The following KIF1A variants were observed in gnomAD, a reference collection of about 807,000 sequenced individuals.
The protein encoded by KIF1A is kinesin family member 1A.
In KIF1A, 46 loss-of-function variants were observed where a neutral mutation model predicts 227.3. The observed-to-expected ratio is 0.20, with a 90% CI of 0.16 to 0.26. The LOEUF (loss-of-function observed/expected upper bound fraction) is 0.26. KIF1A is among the 10% of genes least tolerant of loss of function. KIF1A has a pLI of 1.00. For synonymous variants in KIF1A, 1,022 were observed against 1,012.8 expected (o/e 1.01, Z -0.17); for missense variants, 1,683 against 2,485.9 (o/e 0.68, Z 6.87).
intron 14 of KIF1A, among the ~76,000 whole-genome samples, chr2:240,771,772 T>C (rs2052028727): frequency 6.6e-6 from 1 of 152,114 alleles, no homozygotes; most frequent in South Asian, 2.1e-4. Context: ...GAGGTGAACA[T>C]GGGACCCTCA....
intron 38 of KIF1A, among the ~76,000 whole-genome samples, chr2:240,733,622 CCA>C (rs892965106): frequency 6.6e-6 from 1 of 152,182 alleles, no homozygotes; most frequent in Non-Finnish European, 1.5e-5. Context: ...AGTCCCTCTG[CCA>C]CAGTTGTCAA....
At chr2:240,804,509 G>A (rs2057222790) in intron 1 of KIF1A, among the ~76,000 whole-genome samples, 1 of 152,186 alleles carries the variant, frequency 6.6e-6, no homozygotes. Context: ...CCAGAAACCA[G>A]AGAATTTGGT....
chr2:240,723,710 C>G (rs2045668971), intron 41 of KIF1A, among the ~76,000 whole-genome samples, 152 bp from the exon 42 acceptor site: 3 of 152,186 alleles, frequency 2.0e-5, no homozygotes, highest in Admixed American at 2.0e-4. Context: ...CCCAAAGAGC[C>G]ATGTAGGCCT....
intron 10 of KIF1A, among the ~76,000 whole-genome samples, chr2:240,779,559 T>TC (rs2053305853): frequency 7.4e-6 from 1 of 135,238 alleles, no homozygotes; most frequent in Non-Finnish European, 1.6e-5. Context: ...TCCACTCAGT[T>TC]CCTCACTCAG....
intron 43 of KIF1A, 35 bp downstream of exon 43, chr2:240,722,421 G>A (rs1199972212): frequency 6.5e-7 from 1 of 1,538,340 alleles, no homozygotes; most frequent in African/African-American, 1.4e-5. Context: ...TGAGGGCCTG[G>A]GGCTACGGCT....
intron 27 of KIF1A, among the ~76,000 whole-genome samples, chr2:240,753,505 C>T (rs1043952627): frequency 5.9e-5 from 9 of 152,176 alleles, no homozygotes; most frequent in African/African-American, 9.7e-5. Context: ...GGGCTGGGCT[C>T]GAGGAGGAGG....
Position 240,792,555 on chromosome 2 carries a change from G to A in KIF1A, c.107-3243C>T, listed in dbSNP as rs1198362098. Among the ~76,000 whole-genome samples the A allele has an allele frequency of 4.6e-5, 7 of 152,124 alleles. No homozygotes were observed. Among genetic ancestry groups the A allele is most frequent in the Admixed American group, 1.3e-4 (2 of 15,288 alleles). On this transcript the variant is annotated intron_variant, in intron 2 of 48. Coordinates refer to ENST00000498729, the MANE Select transcript of KIF1A (RefSeq NM_001244008.2). The surrounding 1 kb of genome is among the most constrained non-coding windows in gnomAD (Gnocchi z 4.5). Reference sequence around the variant, plus strand: ...TTGGGGTGAGGAGTGGGGGGAGCTGGAAGAAGGGGGACGGGAAAGGAATGG... The same window carrying A: ...TTGGGGTGAGGAGTGGGGGGAGCTGAAAGAAGGGGGACGGGAAAGGAATGG...
At chr2:240,803,706 C>T (rs1316414791) in intron 1 of KIF1A, among the ~76,000 whole-genome samples, 1 of 151,976 alleles carries the variant, frequency 6.6e-6, no homozygotes, top group Non-Finnish European at 1.5e-5. Flanking sequence ...GCAGAACAAG[C>T]ACATTAATTA....
At chr2:240,730,870 G>T (rs970362451) in intron 38 of KIF1A, among the ~76,000 whole-genome samples, 1 of 152,210 alleles carries the variant, frequency 6.6e-6, no homozygotes, top group Non-Finnish European at 1.5e-5. Context: ...AACTGGAGGA[G>T]GCTGGGCCAG....
chr2:240,731,107 T>C (rs1237922161), intron 38 of KIF1A, among the ~76,000 whole-genome samples: 1 of 150,156 alleles, frequency 6.7e-6, no homozygotes, highest in East Asian at 2.0e-4. Flanking sequence ...AAATCTGCAG[T>C]AGATCCACAC....
Position 240,726,966 on chromosome 2 carries a change from A to G in KIF1A, c.4008-26T>C, listed in dbSNP as rs374678447. The G allele has an allele frequency of 7.0e-7, 1 of 1,429,834 alleles. No homozygotes were observed. Among genetic ancestry groups the G allele is most frequent in the Admixed American group, 1.8e-5 (1 of 55,066 alleles). 88.6% of individuals were successfully genotyped at this position (1,429,834 alleles called of 1,614,324 possible). A position where few individuals can be genotyped will look rare whatever the true frequency, so the allele number is the denominator to read the frequency against. On this transcript the variant is annotated intron_variant, in intron 38 of 48. Coordinates refer to ENST00000498729, the MANE Select transcript of KIF1A (RefSeq NM_001244008.2). This position sits in a 1 kb window ranked among gnomAD's most constrained non-coding sequence, Gnocchi z 5.2. ...CTGAAAGGAAGCAGAGACAAAGTAG[A>G]AGTTGATGGCGTGGGGGCTGCTTTC...
chr2:240,772,981 G>A (rs990804803), intron 13 of KIF1A, 133 bp downstream of exon 13: 44 of 930,688 alleles, frequency 4.7e-5, no homozygotes, highest in African/African-American at 6.6e-5. Flanking sequence ...CTCTGGGAGC[G>A]GTGTGGAGCT....
chr2:240,774,636 A>T (rs2052514311), intron 11 of KIF1A, among the ~76,000 whole-genome samples: 1 of 152,042 alleles, frequency 6.6e-6, no homozygotes, highest in South Asian at 2.1e-4. Context: ...TTTTTCAAGC[A>T]CTTCTATCAT....
chr2:240,721,955 C>T, intron 43 of KIF1A, 71 bp from the exon 44 acceptor site: 1 of 1,269,166 alleles, frequency 7.9e-7, no homozygotes, highest in Non-Finnish European at 1.1e-6. Flanking sequence ...CTTGCAGGCT[C>T]TTCTACCCAC....
At position 240,766,994 on chromosome 2, in the gene KIF1A, C is replaced by T. The variant is rs1378256589; in HGVS notation, c.1605G>A (p.Arg535=). ...TRVGREDGER[R]QDIVLSGHFI... ...AGTGCCCACTCAGAACAATGTCCTGCCGCCTCTCGCCATCCTCCCTGCCCA... is the reference window on the plus strand; with the variant it reads ...AGTGCCCACTCAGAACAATGTCCTGTCGCCTCTCGCCATCCTCCCTGCCCA... The change falls in exon 19 of 49, where the codon CGG becomes CGA. Residue 535 remains arginine (R), a synonymous_variant. Transcript: ENST00000498729. The surrounding 1 kb of genome is among the most constrained non-coding windows in gnomAD (Gnocchi z 5.0). The T allele has an allele frequency of 1.2e-6, 2 of 1,611,654 alleles. No individual in the cohort carries two copies. Among genetic ancestry groups the T allele is most frequent in the South Asian group, 2.2e-5 (2 of 90,666 alleles).
chr2:240,790,722 G>C lies in KIF1A; in HGVS notation c.107-1410C>G, dbSNP rs2055559363. 6.6e-6 allele frequency among the ~76,000 whole-genome samples: 1 copy of C among 152,080 alleles called. No homozygotes were observed. The highest frequency in any genetic ancestry group is 1.5e-5 in the Non-Finnish European group (1 of 68,014). On this transcript the variant is annotated intron_variant, in intron 2 of 48. Transcript: ENST00000498729. This position sits in a 1 kb window ranked among gnomAD's most constrained non-coding sequence, Gnocchi z 5.0. ...TATAAAAGAGGAGATTTGGAGACAG[G>C]GAGGGTGCCATGAGAACATGAGGGC...
In KIF1A at chr2:240,746,131, G is replaced by T. The variant is rs1471367618; in HGVS notation, c.3110C>A (p.Thr1037Asn). 1.3e-6 allele frequency: 2 copies of T among 1,572,016 alleles called. No homozygotes were observed. Among genetic ancestry groups the T allele is most frequent in the Non-Finnish European group, 1.7e-6 (2 of 1,159,270 alleles). ...CPVVGMSRSGTSQEELRIVEG... is the reference protein window; with the variant it reads ...CPVVGMSRSGNSQEELRIVEG... ...CACGATGCGAAGCTCTTCCTGGGAG[G>T]TTCCCGAGCGGGACATCCCCACCAC... Residue 1037 changes from threonine to asparagine, a missense_variant, in exon 30 of 49, where the codon ACC (threonine) becomes AAC (asparagine). Transcript: ENST00000498729.
chr2:240,770,594 AG>A (rs1410090741), intron 15 of KIF1A, among the ~76,000 whole-genome samples: 2 of 152,234 alleles, frequency 1.3e-5, no homozygotes, highest in Non-Finnish European at 2.9e-5. Flanking sequence ...ACACAATTAA[AG>A]ACTCGACAGG....
In KIF1A at chr2:240,736,957, G is replaced by C. The variant is rs1282141385; in HGVS notation, c.4007+106C>G. The stretch of plus-strand genomic sequence containing the variant: ...TGCCAGGAGGGAGGGCCGGGAGAGC[G>C]TTGAGCGGGTCACCTTGTGTGGCTG... On this transcript the variant is annotated intron_variant, in intron 38 of 48. Coordinates refer to ENST00000498729, the MANE Select transcript of KIF1A (RefSeq NM_001244008.2). The surrounding 1 kb of genome is among the most constrained non-coding windows in gnomAD (Gnocchi z 4.7). 1.1e-6 allele frequency: 1 copy of C among 914,450 alleles called. No homozygotes were observed. The highest frequency in any genetic ancestry group is 1.8e-6 in the Non-Finnish European group (1 of 559,502). 56.6% of individuals were successfully genotyped at this position (914,450 alleles called of 1,614,324 possible). A position where few individuals can be genotyped will look rare whatever the true frequency, so the allele number is the denominator to read the frequency against.
Sources: allele counts gnomAD v4.1 joint callset (sites outside exome capture counted in the v4.1 genomes callset), GRCh38; gene constraint gnomAD v4.1.1; non-coding constraint Gnocchi (gnomAD v3.1); transcripts MANE v1.5; gene names NCBI Gene and HGNC (gene_info 2026-07-23, HGNC 2026-07-21).